PWP1: variants seen among roughly 807,000 people sequenced by gnomAD.
PWP1 encodes periodic tryptophan protein 1 homolog.
Under a neutral mutation model 69.9 loss-of-function variants are expected in PWP1, and 47 were observed. The observed-to-expected ratio is 0.67, with a 90% CI of 0.53 to 0.86. The LOEUF (loss-of-function observed/expected upper bound fraction) is 0.86, where lower values mean the gene tolerates loss of function less well. PWP1 is among the 40% of genes least tolerant of loss of function. The pLI is 0.00. For missense variants in PWP1, 551 were observed against 608.8 expected (o/e 0.91, Z 1.00); for synonymous variants, 222 against 208.2 (o/e 1.07, Z -0.57).
At chr12:107,700,582 C>T (rs1479561081) in intron 8 of PWP1, among the ~76,000 whole-genome samples, 3 of 152,112 alleles carry the variant, frequency 2.0e-5, no homozygotes, top group Admixed American at 2.0e-4. Context: ...GTGTGGTCAC[C>T]TGGATTGCTT....
At chr12:107,689,458 A>G (rs1001690570) in intron 3 of PWP1, among the ~76,000 whole-genome samples, 19 of 152,152 alleles carry the variant, frequency 1.2e-4, no homozygotes, top group Non-Finnish European at 2.2e-4. Context: ...ATAATTAGAA[A>G]AAGAGGCCAG....
chr12:107,694,981 C>T (rs148049526), intron 5 of PWP1, among the ~76,000 whole-genome samples: 116 of 151,838 alleles, frequency 7.6e-4, no homozygotes, highest in African/African-American at 2.7e-3. Flanking sequence ...AGTTGCTGGG[C>T]GTAGTGACTC....
At chr12:107,696,959 T>C (rs1288243743) in intron 6 of PWP1, among the ~76,000 whole-genome samples, 1 of 152,178 alleles carries the variant, frequency 6.6e-6, no homozygotes, top group African/African-American at 2.4e-5. Flanking sequence ...AAAACCGAAA[T>C]GAAGAGGCTT....
intron 3 of PWP1, among the ~76,000 whole-genome samples, chr12:107,691,037 A>T (rs1385723013): frequency 6.6e-6 from 1 of 152,154 alleles, no homozygotes; most frequent in Non-Finnish European, 1.5e-5. Flanking sequence ...TAGAGATGGG[A>T]TTGACCAAAG....
chr12:107,686,143 G>C, intron 1 of PWP1, 172 bp downstream of exon 1: 1 of 693,034 alleles, frequency 1.4e-6, no homozygotes, highest in Admixed American at 2.5e-5. Context: ...AGAAGGTCTG[G>C]TTCGCCTGAG....
At chr12:107,706,532 A>G (rs889223708) in intron 11 of PWP1, among the ~76,000 whole-genome samples, 49 of 152,126 alleles carry the variant, frequency 3.2e-4, no homozygotes, top group African/African-American at 6.3e-4. Flanking sequence ...TTTTAGGTCT[A>G]ACATTTAATT....
intron 5 of PWP1, among the ~76,000 whole-genome samples, chr12:107,695,615 C>T (rs1330055885): frequency 1.3e-5 from 2 of 152,202 alleles, no homozygotes; most frequent in African/African-American, 4.8e-5. Flanking sequence ...CTTAACATTA[C>T]AGCTGTGAAT....
chr12:107,693,257 C>G (rs1489518020), intron 5 of PWP1, among the ~76,000 whole-genome samples, 161 bp downstream of exon 5: 2 of 151,990 alleles, frequency 1.3e-5, no homozygotes, highest in Non-Finnish European at 2.9e-5. Context: ...GGTTATTGTT[C>G]TGGGTATGTG....
Position 107,708,940 on chromosome 12 carries a change from C to T in PWP1, c.1092C>T (p.Asp364=), listed in dbSNP as rs375758061. ...SPCHFLASTD[D]GFVYNLDARS... is the part of the protein sequence containing the mutation. ...ACTCTTTCTAGGCCAGTACAGATGA[C>T]GGCTTTGTATATAATTTGGATGCAC... The change falls in exon 12 of 15, where the codon GAC becomes GAT. Residue 364 remains aspartate (D), a synonymous_variant. Transcript: ENST00000412830. 77 of 1,613,192 alleles carry T rather than the reference C, an allele frequency of 4.8e-5. No homozygotes were observed. The Middle Eastern group carries it at 6.9e-4, about 14-fold the overall frequency.
At chr12:107,687,988 G>GC (rs1326417672) in intron 1 of PWP1, among the ~76,000 whole-genome samples, 5 of 133,214 alleles carry the variant, frequency 3.8e-5, no homozygotes, top group Non-Finnish European at 6.1e-5. Flanking sequence ...CCGAGATGGC[G>GC]CCATTGCTCT....
chr12:107,693,133 T>C, intron 5 of PWP1, 37 bp downstream of exon 5: 1 of 1,569,766 alleles, frequency 6.4e-7, no homozygotes. Context: ...ATTTTCTAAG[T>C]GATGGTAAAA....
In PWP1 at chr12:107,693,058, G is replaced by C. The variant is rs553451618; in HGVS notation, c.464G>C (p.Gly155Ala). Reference sequence around the variant, plus strand: ...CCCAGTGATAATCTTATAGTTTGTGGCCGAGCTGAACAGGACCAGTGCAAT... The same window carrying C: ...CCCAGTGATAATCTTATAGTTTGTGCCCGAGCTGAACAGGACCAGTGCAAT... ...IKPSDNLIVC[G>A]RAEQDQCNLE... Residue 155 changes from glycine (G) to alanine (A), a missense_variant, in exon 5 of 15, where the codon GGC becomes GCC. Coordinates refer to ENST00000412830, the MANE Select transcript of PWP1 (RefSeq NM_007062.3). 1.2e-6 allele frequency: 2 copies of C among 1,614,056 alleles called. No individual in the cohort carries two copies. Among genetic ancestry groups the C allele is most frequent in the South Asian group, 2.2e-5 (2 of 91,076 alleles).
Position 107,696,518 on chromosome 12 carries a change from C to T in PWP1, c.547C>T (p.Leu183Phe). The change falls in exon 6 of 15, where the codon CTC becomes TTC. Residue 183 changes from leucine (L) to phenylalanine (F), a missense_variant. By Grantham distance (22) the Leu-to-Phe change is conservative (BLOSUM62 0). Transcript: ENST00000412830. ...CTCTTTTTATGTACACCATGATATA[C>T]TCTTGTCTGCATATCCTCTGAGTGT... ...EDSFYVHHDI[L>F]LSAYPLSVEW... The T allele has an allele frequency of 1.2e-6, 2 of 1,614,056 alleles. No homozygotes were observed. Among genetic ancestry groups the T allele is most frequent in the Non-Finnish European group, 8.5e-7 (1 of 1,180,004 alleles).
At chr12:107,689,940 G>C (rs1039360818) in intron 3 of PWP1, among the ~76,000 whole-genome samples, 3 of 152,136 alleles carry the variant, frequency 2.0e-5, no homozygotes, top group African/African-American at 4.8e-5. Flanking sequence ...GTTTCTTTTG[G>C]AATGTGCTAC....
chr12:107,692,982 T>C lies in PWP1; in HGVS notation c.406-18T>C. 6.2e-7 allele frequency: 1 copy of C among 1,613,672 alleles called. No individual in the cohort carries two copies. The highest frequency in any genetic ancestry group is 8.5e-7 in the Non-Finnish European group (1 of 1,179,908). ...GCTCTCTGCTTCTAGTCAATGACATTTTTTTCCTCTCACTTAGGAACAATA... is the reference window on the plus strand; with the variant it reads ...GCTCTCTGCTTCTAGTCAATGACATCTTTTTCCTCTCACTTAGGAACAATA... On this transcript the variant is annotated intron_variant, in intron 4 of 14. Coordinates refer to ENST00000412830, the MANE Select transcript of PWP1 (RefSeq NM_007062.3).
chr12:107,711,538 C>T lies in PWP1; in HGVS notation c.1397-573C>T, dbSNP rs140479080. Among the ~76,000 whole-genome samples the T allele has an allele frequency of 6.2e-3, 951 of 152,308 alleles. 9 individuals carry two copies. Among genetic ancestry groups the T allele is most frequent in the African/African-American group, 0.021 (885 of 41,576 alleles). ...GTGAATAAATCCACCGTTTGCTCAA[C>T]TATAAAATTCTACAAAATCCAACTT... On this transcript the variant is annotated intron_variant, in intron 14 of 14. Coordinates refer to ENST00000412830, the MANE Select transcript of PWP1 (RefSeq NM_007062.3).
At chr12:107,709,294 G>A in intron 13 of PWP1, 62 bp downstream of exon 13, 2 of 1,563,370 alleles carry the variant, frequency 1.3e-6, no homozygotes, top group Non-Finnish European at 1.7e-6. Flanking sequence ...TCTTTTTCTG[G>A]AACTTGTGTT....
chr12:107,702,446 A>G (rs1440859012), intron 8 of PWP1, among the ~76,000 whole-genome samples: 1 of 151,684 alleles, frequency 6.6e-6, no homozygotes, highest in Non-Finnish European at 1.5e-5. Flanking sequence ...ATGCCCAGCT[A>G]ATTTTTTGTA....
chr12:107,691,912 A>C (rs1196150266), intron 3 of PWP1, among the ~76,000 whole-genome samples: 1 of 152,164 alleles, frequency 6.6e-6, no homozygotes, highest in Non-Finnish European at 1.5e-5. Context: ...AGCTGGTGAA[A>C]GACGGTGCTG....
Sources: gnomAD v4.1 joint callset for allele counts (sites outside exome capture counted in the v4.1 genomes callset) on GRCh38, gnomAD v4.1.1 for gene constraint, MANE v1.5 for transcripts, NCBI Gene and HGNC (gene_info 2026-07-23, HGNC 2026-07-21) for gene names.